Variants in PLOD2 observed in about 807,000 individuals in gnomAD.
PLOD2 encodes the protein procollagen-lysine,2-oxoglutarate 5-dioxygenase 2, also known as lysine hydroxylase 2.
PLOD2 carries 65 observed loss-of-function variants against 101.0 expected under a neutral mutation model. The ratio of observed to expected loss-of-function variants is 0.64; its 90% CI spans 0.53 to 0.79. The LOEUF (loss-of-function observed/expected upper bound fraction) is 0.79, where lower values mean the gene tolerates loss of function less well. Among genes scored for constraint, PLOD2 ranks in the 30% least tolerant of loss-of-function variants. The pLI is 0.00. For missense variants in PLOD2, 909 were observed against 914.6 expected, an observed-to-expected ratio of 0.99 and a Z score of 0.08; for synonymous variants, 314 against 302.9, an observed-to-expected ratio of 1.04 and a Z score of -0.38.
chr3:146,076,128 T>C (rs1482152189), intron 15 of PLOD2: 2 of 151,738 alleles, frequency 1.3e-5, no homozygotes, highest in African/African-American at 2.4e-5. Flanking sequence ...ATCCCCAGGG[T>C]CTACTGTTCC....
chr3:146,148,336 A>ACGCG lies in PLOD2; in HGVS notation c.109+12544_109+12545insCGCG, dbSNP rs145944996. On this transcript the variant is annotated intron_variant, in intron 1 of 19. Coordinates refer to ENST00000282903, the MANE Select transcript of PLOD2 (RefSeq NM_182943.3). ...TATACAGGCAGGCAGGCAGGCAGGCACGCACACACACACACACACACACAC... is the reference window on the plus strand; with the variant it reads ...TATACAGGCAGGCAGGCAGGCAGGCACGCGCGCACACACACACACACACACACAC... 4.8e-3 allele frequency among the ~76,000 whole-genome samples: 401 copies of ACGCG among 84,060 alleles called. 2 individuals carry two copies. Among genetic ancestry groups the ACGCG allele is most frequent in the African/African-American group, 0.014 (366 of 26,652 alleles). The allele number at this position is 84,060 out of a possible 152,430, so 55.1% of individuals were successfully genotyped here. A position where few individuals can be genotyped will look rare whatever the true frequency, so the allele number is the denominator to read the frequency against.
intron 1 of PLOD2, among the ~76,000 whole-genome samples, chr3:146,130,253 G>A (rs1576617722): frequency 6.6e-6 from 1 of 152,240 alleles, no homozygotes; most frequent in South Asian, 2.1e-4. Flanking sequence ...GTAAACCTGA[G>A]ATTCTTACAC....
At chr3:146,143,645 G>C (rs2031639162) in intron 1 of PLOD2, among the ~76,000 whole-genome samples, 1 of 151,978 alleles carries the variant, frequency 6.6e-6, no homozygotes, top group African/African-American at 2.4e-5. Flanking sequence ...TCAATTCAGG[G>C]CCACAATGTA....
chr3:146,080,754 C>T lies in PLOD2; in HGVS notation c.1358+984G>A, dbSNP rs185949093. Among the ~76,000 whole-genome samples, 1,186 of 152,202 alleles carry T rather than the reference C, an allele frequency of 7.8e-3. 20 individuals carry two copies. The highest frequency in any genetic ancestry group is 0.049 in the South Asian group (237 of 4,826). ...AATCAGGTATATTGTCTATACAACTCACCCAGAGTCAATACAACTGCACAG... is the reference window on the plus strand; with the variant it reads ...AATCAGGTATATTGTCTATACAACTTACCCAGAGTCAATACAACTGCACAG... On this transcript the variant is annotated intron_variant, in intron 12 of 19. Transcript: ENST00000282903.
At chr3:146,143,291 ATGAG>A (rs1427738848) in intron 1 of PLOD2, among the ~76,000 whole-genome samples, 3 of 133,918 alleles carry the variant, frequency 2.2e-5, no homozygotes, top group Non-Finnish European at 1.7e-5. Context: ...CTATGTAAAC[ATGAG>A]TGAGAATATA....
At position 146,147,584 on chromosome 3, in the gene PLOD2, G is replaced by C. The variant is rs2031842796; in HGVS notation, c.109+13297C>G. 4.6e-5 allele frequency among the ~76,000 whole-genome samples: 7 copies of C among 152,056 alleles called. No homozygotes were observed. In the South Asian group the frequency reaches 1.5e-3, roughly 32 times the overall value. On this transcript the variant is annotated intron_variant, in intron 1 of 19. Coordinates refer to ENST00000282903, the MANE Select transcript of PLOD2 (RefSeq NM_182943.3). ...CTGTGTAATGCAGGACACTTTAGCAGGGTCCCTGGACTCAACCGACAGGAT... is the reference window on the plus strand; with the variant it reads ...CTGTGTAATGCAGGACACTTTAGCACGGTCCCTGGACTCAACCGACAGGAT...
chr3:146,073,245 T>C, intron 16 of PLOD2, 42 bp downstream of exon 16: 2 of 791,910 alleles, frequency 2.5e-6, no homozygotes, highest in Non-Finnish European at 4.1e-6. Flanking sequence ...TTCTGGAAAA[T>C]AACAGCAAAA....
At chr3:146,133,885 T>C (rs1357382456) in intron 1 of PLOD2, among the ~76,000 whole-genome samples, 1 of 152,096 alleles carries the variant, frequency 6.6e-6, no homozygotes, top group African/African-American at 2.4e-5. Context: ...ACAAAAGCTA[T>C]CTTAACAAGA....
chr3:146,104,874 T>G (rs1937510756), intron 5 of PLOD2: 2 of 154,740 alleles, frequency 1.3e-5, no homozygotes, highest in South Asian at 4.0e-4. Context: ...AGTGGGCACA[T>G]ACATACGTTC....
intron 9 of PLOD2, among the ~76,000 whole-genome samples, chr3:146,088,137 C>A (rs1011025605): frequency 2.2e-4 from 33 of 151,540 alleles, no homozygotes; most frequent in African/African-American, 7.7e-4. Flanking sequence ...TATCAAAATC[C>A]TTTGGGGAAT....
intron 1 of PLOD2, among the ~76,000 whole-genome samples, chr3:146,141,081 A>T (rs1488321398): frequency 6.6e-6 from 1 of 152,078 alleles, no homozygotes; most frequent in African/African-American, 2.4e-5. Flanking sequence ...AAACTAGATA[A>T]ATAATAAATC....
chr3:146,091,905 G>A lies in PLOD2; in HGVS notation c.778-4C>T, dbSNP rs1482313635. The A allele has an allele frequency of 4.2e-6, 6 of 1,443,172 alleles. No homozygotes were observed. In the African/African-American group the frequency reaches 4.2e-5, roughly 10 times the overall value. 89.4% of individuals were successfully genotyped at this position (1,443,172 alleles called of 1,614,324 possible). On this transcript the variant is annotated splice_region_variant and splice_polypyrimidine_tract_variant and intron_variant, in intron 7 of 19. Coordinates refer to ENST00000282903, the MANE Select transcript of PLOD2 (RefSeq NM_182943.3). ...TTCCAAAATAATTCAGGAGAATCTT[G>A]TAAATGAAGGAAAAGGTTATTAATG...
At position 146,121,446 on chromosome 3, in the gene PLOD2, A is replaced by C. The variant is rs540268617; in HGVS notation, c.202-198T>G. 6.4e-4 allele frequency among the ~76,000 whole-genome samples: 98 copies of C among 152,220 alleles called. 1 individual carries two copies. Among genetic ancestry groups the C allele is most frequent in the African/African-American group, 2.1e-3 (89 of 41,560 alleles). ...TTCTTCAATGTTATCCATCCCCAAA[A>C]TGCCCTTCTCAATTTTTACCATCTC... On this transcript the variant is annotated intron_variant, in intron 2 of 19. Coordinates refer to ENST00000282903, the MANE Select transcript of PLOD2 (RefSeq NM_182943.3).
intron 1 of PLOD2, among the ~76,000 whole-genome samples, chr3:146,147,354 T>G (rs1482358655): frequency 1.3e-5 from 2 of 152,078 alleles, no homozygotes; most frequent in Non-Finnish European, 1.5e-5. Flanking sequence ...CTTGACTGGA[T>G]AGTGAGGAAT....
intron 7 of PLOD2, among the ~76,000 whole-genome samples, chr3:146,097,610 T>TA (rs1209018340): frequency 8.5e-6 from 1 of 117,772 alleles, no homozygotes; most frequent in Non-Finnish European, 1.7e-5. Flanking sequence ...GCATGCTCGT[T>TA]AAGAGTCATC....
Position 146,073,306 on chromosome 3 carries a change from G to A in PLOD2, c.1724C>T (p.Thr575Ile), listed in dbSNP as rs1459984924. 7.3e-6 allele frequency: 9 copies of A among 1,237,284 alleles called. No individual in the cohort carries two copies. Among genetic ancestry groups the A allele is most frequent in the Non-Finnish European group, 1.0e-5 (9 of 860,688 alleles). 76.6% of individuals were successfully genotyped at this position (1,237,284 alleles called of 1,614,324 possible). The part of the protein sequence containing the change: ...YINRDYSKIF[T>I]ENIVEQPCPD... ...ACAAACCTGTTCAACTATATTTTCA[G>A]TGAAAATCTTTGAATAATCACGGTT... The change falls in exon 16 of 20, where the codon ACT (threonine) becomes ATT (isoleucine). Residue 575 changes from threonine (T) to isoleucine (I), a missense_variant. By Grantham distance (89) the Thr-to-Ile change is moderately conservative. Coordinates refer to ENST00000282903, the MANE Select transcript of PLOD2 (RefSeq NM_182943.3).
At chr3:146,083,948 G>A (rs1243267234) in intron 11 of PLOD2, among the ~76,000 whole-genome samples, 1 of 151,676 alleles carries the variant, frequency 6.6e-6, no homozygotes, top group African/African-American at 2.4e-5. Flanking sequence ...CAAATACATA[G>A]TGTAAATTCA....
At chr3:146,134,592 A>T (rs2031120832) in intron 1 of PLOD2, among the ~76,000 whole-genome samples, 1 of 152,220 alleles carries the variant, frequency 6.6e-6, no homozygotes, top group African/African-American at 2.4e-5. Flanking sequence ...TACCAAGGTT[A>T]TGTAGCTTGC....
Position 146,088,342 on chromosome 3 carries a change from G to A in PLOD2, c.1005+244C>T, listed in dbSNP as rs796310960. ...TATATATTAATTTAAGCTATATGAT[G>A]ATGGCTAATATTCAGCCATTTTTGA... On this transcript the variant is annotated intron_variant, in intron 9 of 19. Coordinates refer to ENST00000282903, the MANE Select transcript of PLOD2 (RefSeq NM_182943.3). Among the ~76,000 whole-genome samples, 12 of 151,646 alleles carry A rather than the reference G, an allele frequency of 7.9e-5. 1 individual carries two copies. The highest frequency in any genetic ancestry group is 2.9e-4 in the African/African-American group (12 of 41,476).
Sources: gnomAD v4.1 joint callset for allele counts (sites outside exome capture counted in the v4.1 genomes callset) on GRCh38, gnomAD v4.1.1 for gene constraint, MANE v1.5 for transcripts, NCBI Gene and HGNC (gene_info 2026-07-23, HGNC 2026-07-21) for gene names.